Variants in CUL5 observed in about 807,000 individuals in gnomAD.
CUL5 encodes the protein cullin-5.
CUL5 carries 26 observed loss-of-function variants against 108.8 expected under a neutral mutation model. That is an observed-to-expected ratio of 0.24 (90% CI 0.18 to 0.33). The LOEUF is 0.33. Ranked by LOEUF, CUL5 falls within the 10% of genes least tolerant of loss-of-function variation. The pLI is 1.00. For synonymous variants in CUL5, 334 were observed against 298.0 expected (o/e 1.12, Z -1.25); for missense variants, 524 against 909.2 (o/e 0.58, Z 5.45).
intron 1 of CUL5, among the ~76,000 whole-genome samples, chr11:108,027,352 A>G (rs1422821072): frequency 6.6e-6 from 1 of 151,782 alleles, no homozygotes; most frequent in Non-Finnish European, 1.5e-5. Flanking sequence ...GCTCACTGCA[A>G]ACTCCGCCTC....
At chr11:108,035,070 G>T (rs769193538) in intron 2 of CUL5, among the ~76,000 whole-genome samples, 124 of 152,276 alleles carry the variant, frequency 8.1e-4, no homozygotes, top group African/African-American at 1.7e-3. Flanking sequence ...TGACAGGAAA[G>T]AGAGAACTAG....
At chr11:108,013,782 A>G (rs968956959) in intron 1 of CUL5, among the ~76,000 whole-genome samples, 2 of 152,170 alleles carry the variant, frequency 1.3e-5, no homozygotes, top group African/African-American at 4.8e-5. Context: ...CAGAGTGTCT[A>G]TAGAGGCCGG....
chr11:108,035,880 C>G (rs1398346076), intron 2 of CUL5, among the ~76,000 whole-genome samples: 9 of 152,132 alleles, frequency 5.9e-5, no homozygotes, highest in African/African-American at 7.2e-5. Context: ...AGCCTCAGAT[C>G]CAGGTAATTG....
chr11:108,017,660 G>A (rs113357497), intron 1 of CUL5, among the ~76,000 whole-genome samples: 2,309 of 152,210 alleles, frequency 0.015, 25 homozygotes, highest in Admixed American at 0.026. Context: ...GACCAGTCTG[G>A]GCAACATAGT....
intron 2 of CUL5, among the ~76,000 whole-genome samples, chr11:108,044,333 T>C (rs1284807643): frequency 6.6e-6 from 1 of 151,636 alleles, no homozygotes; most frequent in Non-Finnish European, 1.5e-5. Flanking sequence ...CCAGACAACA[T>C]AGGGAGACCG....
At chr11:108,018,997 G>A (rs943874034) in intron 1 of CUL5, among the ~76,000 whole-genome samples, 17 of 152,078 alleles carry the variant, frequency 1.1e-4, no homozygotes, top group African/African-American at 4.1e-4. Context: ...CGTCTGTATT[G>A]AATATGTACA....
At position 108,105,768 on chromosome 11, in the gene CUL5, G is replaced by C. The variant is rs1864784569; in HGVS notation, c.*1384G>C. On this transcript the variant is annotated 3_prime_UTR_variant, in exon 19 of 19. Coordinates refer to ENST00000393094, the MANE Select transcript of CUL5 (RefSeq NM_003478.6). ...TGTGGTGCACGTTTCAAATTTTCTT[G>C]CAAATTATTTTATATCTTATTTGAT... The C allele has an allele frequency of 6.6e-6, 1 of 151,984 alleles. No homozygotes were observed. The highest frequency in any genetic ancestry group is 1.5e-5 in the Non-Finnish European group (1 of 67,946). The allele number at this position is 151,984 out of a possible 1,614,324, so 9.4% of individuals were successfully genotyped here. A position where few individuals can be genotyped will look rare whatever the true frequency, so the allele number is the denominator to read the frequency against.
At chr11:108,061,528 G>A (rs1315638009) in intron 7 of CUL5, among the ~76,000 whole-genome samples, 1 of 151,964 alleles carries the variant, frequency 6.6e-6, no homozygotes, top group Non-Finnish European at 1.5e-5. Flanking sequence ...TATAATGAAC[G>A]CTACCCCCAT....
intron 2 of CUL5, among the ~76,000 whole-genome samples, chr11:108,039,091 G>A (rs934613382): frequency 6.6e-6 from 1 of 151,852 alleles, no homozygotes; most frequent in East Asian, 1.9e-4. Flanking sequence ...CGCAATCTCG[G>A]CTCACTGCAA....
intron 13 of CUL5, among the ~76,000 whole-genome samples, chr11:108,091,409 G>C (rs928430537): frequency 1.3e-5 from 2 of 151,744 alleles, no homozygotes; most frequent in Admixed American, 1.3e-4. Context: ...TGACAAACAA[G>C]GCTAGGCATG....
intron 3 of CUL5, 148 bp from the exon 4 acceptor site, chr11:108,049,742 T>G (rs1288713280): frequency 4.7e-6 from 3 of 639,746 alleles, no homozygotes; most frequent in Non-Finnish European, 7.9e-6. Flanking sequence ...GTACAAGTTT[T>G]TTTGTGAACA....
intron 7 of CUL5, among the ~76,000 whole-genome samples, chr11:108,055,533 C>T (rs1863352086): frequency 6.6e-6 from 1 of 152,074 alleles, no homozygotes; most frequent in Admixed American, 6.5e-5. Context: ...CTCACTGTAA[C>T]TCCTGGGCAT....
At chr11:108,073,278 GAA>G (rs1863868676) in intron 9 of CUL5, 110 bp from the exon 10 acceptor site, 3 of 577,076 alleles carry the variant, frequency 5.2e-6, no homozygotes, top group Non-Finnish European at 9.2e-6. Context: ...TTATTTTTAA[GAA>G]AAAATATCCC....
At chr11:108,069,941 A>G (rs1863780067) in intron 7 of CUL5, among the ~76,000 whole-genome samples, 155 bp from the exon 8 acceptor site, 1 of 152,176 alleles carries the variant, frequency 6.6e-6, no homozygotes, top group African/African-American at 2.4e-5. Context: ...CTAGTATAGC[A>G]TATCCATCTT....
chr11:108,066,342 T>C (rs1484687505), intron 7 of CUL5, among the ~76,000 whole-genome samples: 1 of 151,220 alleles, frequency 6.6e-6, no homozygotes, highest in Non-Finnish European at 1.5e-5. Flanking sequence ...AGACTCTGTC[T>C]CAAAAAAAAA....
At position 108,024,429 on chromosome 11, in the gene CUL5, T is replaced by A. The variant is rs151313368; in HGVS notation, c.25-9373T>A. 5.9e-3 allele frequency among the ~76,000 whole-genome samples: 881 copies of A among 148,864 alleles called. 9 individuals are homozygous for A. The highest frequency in any genetic ancestry group is 0.021 in the African/African-American group (815 of 38,534). On this transcript the variant is annotated intron_variant, in intron 1 of 18. Transcript: ENST00000393094. ...CAGAGCAAAATCTTGTCTCAAAAAA[T>A]AATAATAATAATAATAAAGGAATAA...
chr11:108,044,535 A>G (rs1343105680), intron 2 of CUL5, among the ~76,000 whole-genome samples: 2 of 151,872 alleles, frequency 1.3e-5, no homozygotes, highest in East Asian at 3.9e-4. Flanking sequence ...AATATAAAAC[A>G]ATTTGATTAT....
chr11:108,051,006 T>G (rs1863205383), intron 4 of CUL5, among the ~76,000 whole-genome samples: 1 of 152,174 alleles, frequency 6.6e-6, no homozygotes, highest in Non-Finnish European at 1.5e-5. Context: ...AAGTAAAAAA[T>G]GCCATTTGAA....
chr11:108,104,142 AAAT>A, intron 18 of CUL5, 45 bp from the exon 19 acceptor site: 1 of 1,279,184 alleles, frequency 7.8e-7, no homozygotes, highest in African/African-American at 1.5e-5. Context: ...GTTGTACTTA[AAAT>A]AATTTCGTAT....
Sources: allele counts gnomAD v4.1 joint callset (sites outside exome capture counted in the v4.1 genomes callset), GRCh38; gene constraint gnomAD v4.1.1; transcripts MANE v1.5; gene names NCBI Gene and HGNC (gene_info 2026-07-23, HGNC 2026-07-21).